Variants in LRRC32 observed in about 807,000 individuals in gnomAD.
LRRC32 encodes leucine rich repeat containing 32, also known as transforming growth factor beta activator LRRC32.
Under a neutral mutation model 15.0 loss-of-function variants are expected in LRRC32, and 5 were observed. That is an observed-to-expected ratio of 0.33 (90% CI 0.17 to 0.70). The LOEUF (loss-of-function observed/expected upper bound fraction) is 0.70, where lower values mean the gene tolerates loss of function less well. LRRC32 is among the 30% of genes least tolerant of loss of function. The pLI is 0.66. For synonymous variants in LRRC32, 391 were observed against 403.9 expected, an observed-to-expected ratio of 0.97 and a Z score of 0.38; for missense variants, 803 against 854.2, an observed-to-expected ratio of 0.94 and a Z score of 0.75.
rs1952442926 is a variant in LRRC32, at chr11:76,658,020, G to C, written c.*1584C>G. 1 of 152,274 alleles carries C rather than the reference G, an allele frequency of 6.6e-6. No homozygotes were observed. The highest frequency in any genetic ancestry group is 2.1e-4 in the South Asian group (1 of 4,816). The allele number at this position is 152,274 out of a possible 1,614,324, so 9.4% of individuals were successfully genotyped here. ...TGGTATGAGGGATGGGGGTCATCTG[G>C]GTGAGGCTTTTTACCTGTTTTTGTA... On this transcript the variant is annotated 3_prime_UTR_variant, in exon 3 of 3. Coordinates refer to ENST00000260061, the MANE Select transcript of LRRC32 (RefSeq NM_001128922.2).
intron 1 of LRRC32, among the ~76,000 whole-genome samples, chr11:76,669,384 T>TGAGA (rs1358518255): frequency 1.5e-5 from 2 of 135,140 alleles, no homozygotes; most frequent in South Asian, 2.3e-4. Flanking sequence ...TGTGTGTGTG[T>TGAGA]GTGAGAGAGA....
rs200521007 is a variant in LRRC32 at position 76,660,534 on chromosome 11, G to A, written c.1059C>T (p.Thr353=). 1.3e-5 allele frequency: 21 copies of A among 1,614,182 alleles called. No homozygotes were observed. The Admixed American group carries it at 1.8e-4, about 14-fold the overall frequency. ...FLNLSRNCLR[T]FEARRLGSLP... Reference sequence around the variant, plus strand: ...GGGAGCCTAAGCGCCGGGCCTCAAAGGTCCGCAAGCAGTTTCTGCTGAGGT... The same window carrying A: ...GGGAGCCTAAGCGCCGGGCCTCAAAAGTCCGCAAGCAGTTTCTGCTGAGGT... The change falls in exon 3 of 3, where the codon ACC becomes ACT. Residue 353 remains threonine (T), a synonymous_variant. Transcript: ENST00000260061.
rs1454100678 is a variant in LRRC32, at chr11:76,658,738, A to G, written c.*866T>C. On this transcript the variant is annotated 3_prime_UTR_variant, in exon 3 of 3. Transcript: ENST00000260061. ...CAAGCTGGGTGCAAAACAGAACCAG[A>G]TATCTAAGGTTTTAGCTCCTGGCTC... The G allele has an allele frequency of 6.5e-6, 1 of 152,830 alleles. No individual in the cohort carries two copies. Among genetic ancestry groups the G allele is most frequent in the Non-Finnish European group, 1.5e-5 (1 of 68,080 alleles). 9.5% of individuals were successfully genotyped at this position (152,830 alleles called of 1,614,324 possible).
chr11:76,667,036 C>T (rs1952637009), intron 1 of LRRC32, among the ~76,000 whole-genome samples: 1 of 152,232 alleles, frequency 6.6e-6, no homozygotes, highest in Non-Finnish European at 1.5e-5. Flanking sequence ...TTACAAGTCG[C>T]TTCACCTCTC....
chr11:76,660,043 T>A lies in LRRC32; in HGVS notation c.1550A>T (p.Lys517Met). Reference sequence around the variant, plus strand: ...GCGGTTCTCGGCAAGATTGAGCCGCTTGAGGCAGATGAAGCAGGGCAGGTC... The same window carrying A: ...GCGGTTCTCGGCAAGATTGAGCCGCATGAGGCAGATGAAGCAGGGCAGGTC... ...QVDLPCFICL[K>M]RLNLAENRLS... The change falls in exon 3 of 3, where the codon AAG (lysine) becomes ATG (methionine). Residue 517 changes from lysine (K) to methionine (M), a missense_variant. Transcript: ENST00000260061. The A allele has an allele frequency of 6.2e-7, 1 of 1,614,116 alleles. No individual in the cohort carries two copies. The highest frequency in any genetic ancestry group is 1.7e-5 in the Admixed American group (1 of 60,036).
chr11:76,669,497 C>G (rs1952679184), intron 1 of LRRC32, among the ~76,000 whole-genome samples: 1 of 151,980 alleles, frequency 6.6e-6, no homozygotes, highest in South Asian at 2.1e-4. Flanking sequence ...AAGCACTTGA[C>G]CTATATCATC....
In LRRC32 at chr11:76,660,428, G is replaced by A. The variant is rs573658243; in HGVS notation, c.1165C>T (p.Arg389Trp). 70 of 1,613,488 alleles carry A rather than the reference G, an allele frequency of 4.3e-5. No homozygotes were observed. The Middle Eastern group carries it at 1.2e-3, about 27-fold the overall frequency. ...GCATTGCCCTGTAGGAGCAGCGTCC[G>A]CAGAGACCCCAGGGCTCTGGCGCCC... Reference protein sequence around the residue: ...ELGARALGSLRTLLLQGNALR... With the variant: ...ELGARALGSLWTLLLQGNALR... Residue 389 changes from arginine to tryptophan, a missense_variant, in exon 3 of 3, where the codon CGG becomes TGG. By Grantham distance (101) the Arg-to-Trp change is moderately radical. Transcript: ENST00000260061.
At chr11:76,666,702 C>T (rs536609153) in intron 1 of LRRC32, among the ~76,000 whole-genome samples, 1 of 152,288 alleles carries the variant, frequency 6.6e-6, no homozygotes, top group South Asian at 2.1e-4. Context: ...CCGCACAGGC[C>T]CTTAGCAGGG....
rs116515808 is a variant in LRRC32 at position 76,664,400 on chromosome 11, C to T, written c.84+1471G>A. ...GAGCTCCCAGCATTGCCTGACTTAC[C>T]GTCGGAGGGAATTGGAGGAATTGGC... On this transcript the variant is annotated intron_variant, in intron 2 of 2. Coordinates refer to ENST00000260061, the MANE Select transcript of LRRC32 (RefSeq NM_001128922.2). Among the ~76,000 whole-genome samples, 339 of 152,322 alleles carry T rather than the reference C, an allele frequency of 2.2e-3. 2 individuals carry two copies. The highest frequency in any genetic ancestry group is 7.7e-3 in the African/African-American group (322 of 41,576).
chr11:76,667,786 G>C (rs1056967533), intron 1 of LRRC32, among the ~76,000 whole-genome samples: 1 of 152,204 alleles, frequency 6.6e-6, no homozygotes, highest in Non-Finnish European at 1.5e-5. Flanking sequence ...CTGCTTCCCC[G>C]GTGTCCCCTC....
intron 2 of LRRC32, among the ~76,000 whole-genome samples, chr11:76,664,818 T>C (rs904599320): frequency 2.0e-5 from 3 of 152,212 alleles, no homozygotes; most frequent in South Asian, 4.1e-4. Flanking sequence ...TTTGGTGACA[T>C]CTGAGGCCTT....
In LRRC32 at chr11:76,660,317, C is replaced by A. The variant is rs111673552; in HGVS notation, c.1276G>T (p.Gly426Trp). Reference protein sequence around the residue: ...NLQGNRVSPCGGPDEPGPSGC... With the variant: ...NLQGNRVSPCWGPDEPGPSGC... The stretch of plus-strand genomic sequence containing the variant: ...GAGGGGCCAGGCTCATCTGGCCCCC[C>A]ACAGGGGCTGACTCGGTTCCCCTGC... Residue 426 changes from glycine to tryptophan, a missense_variant, in exon 3 of 3, where the codon GGG (glycine) becomes TGG (tryptophan). By Grantham distance (184) the Gly-to-Trp change is radical. Coordinates refer to ENST00000260061, the MANE Select transcript of LRRC32 (RefSeq NM_001128922.2). 88 of 1,602,718 alleles carry A rather than the reference C, an allele frequency of 5.5e-5. 1 individual carries two copies. The South Asian group carries it at 6.7e-4, about 12-fold the overall frequency.
chr11:76,664,852 G>T (rs535784709), intron 2 of LRRC32, among the ~76,000 whole-genome samples: 1 of 152,208 alleles, frequency 6.6e-6, no homozygotes, highest in Non-Finnish European at 1.5e-5. Flanking sequence ...TCTGGGCTCC[G>T]GGAATCTTAG....
At position 76,659,504 on chromosome 11, in the gene LRRC32, A is replaced by G. The variant is rs918983104; in HGVS notation, c.*100T>C. ...TGTCCTGGGCTGTAATTTGGAGACC[A>G]GAGTTCTGGGATCCCGGATCACTGT... On this transcript the variant is annotated 3_prime_UTR_variant, in exon 3 of 3. Transcript: ENST00000260061. The G allele has an allele frequency of 1.1e-5, 14 of 1,305,548 alleles. No individual in the cohort carries two copies. The highest frequency in any genetic ancestry group is 2.7e-4 in the Middle Eastern group (1 of 3,710). 80.9% of individuals were successfully genotyped at this position (1,305,548 alleles called of 1,614,324 possible). A position where few individuals can be genotyped will look rare whatever the true frequency, so the allele number is the denominator to read the frequency against.
chr11:76,666,861 TG>T (rs1952634451), intron 1 of LRRC32, among the ~76,000 whole-genome samples: 1 of 152,186 alleles, frequency 6.6e-6, no homozygotes, highest in Non-Finnish European at 1.5e-5. Flanking sequence ...TGCTGGGAAC[TG>T]GGAACTCAAA....
chr11:76,659,935 C>T lies in LRRC32; in HGVS notation c.1658G>A (p.Gly553Asp), dbSNP rs1046377297. The T allele has an allele frequency of 2.5e-6, 4 of 1,613,786 alleles. No homozygotes were observed. In the African/African-American group the frequency reaches 5.3e-5, roughly 22 times the overall value. The part of the protein sequence containing the change: ...LRNNSFSLLP[G>D]SAMGGLETSL... ...GGTCTCCAGGCCACCCATGGCACTG[C>T]CTGGCAGGAGGCTGAAGCTGTTGTT... is the stretch of plus-strand genomic sequence containing the variant. Residue 553 changes from glycine to aspartate, a missense_variant, in exon 3 of 3, where the codon GGC becomes GAC. Transcript: ENST00000260061.
Position 76,661,155 on chromosome 11 carries a change from C to A in LRRC32, c.438G>T (p.Gly146=), listed in dbSNP as rs780413050. 3 of 1,613,696 alleles carry A rather than the reference C, an allele frequency of 1.9e-6. No individual in the cohort carries two copies. The highest frequency in any genetic ancestry group is 2.5e-6 in the Non-Finnish European group (3 of 1,179,832). ...LYSGLLERLL[G]EAPSLHTLSL... Reference sequence around the variant, plus strand: ...AGAGGGTATGCAGGCTGGGTGCCTCCCCCAGCAGCCGCTCCAGCAGGCCGC... The same window carrying A: ...AGAGGGTATGCAGGCTGGGTGCCTCACCCAGCAGCCGCTCCAGCAGGCCGC... Residue 146 remains glycine, a synonymous_variant, in exon 3 of 3, where the codon GGG becomes GGT. Coordinates refer to ENST00000260061, the MANE Select transcript of LRRC32 (RefSeq NM_001128922.2).
In LRRC32 at chr11:76,659,558, C is replaced by T; in HGVS notation, c.*46G>A. ...ACCTTGAGTCAGTCCTCACTCTTCT[C>T]TGTACCTCAGGCTCCCCCACTGACC... On this transcript the variant is annotated 3_prime_UTR_variant, in exon 3 of 3. Transcript: ENST00000260061. 1 of 1,581,306 alleles carries T rather than the reference C, an allele frequency of 6.3e-7. No homozygotes were observed. The highest frequency in any genetic ancestry group is 8.6e-7 in the Non-Finnish European group (1 of 1,161,594).
intron 1 of LRRC32, among the ~76,000 whole-genome samples, chr11:76,668,123 C>T (rs961615185): frequency 3.3e-5 from 5 of 151,930 alleles, no homozygotes; most frequent in East Asian, 1.9e-4. Flanking sequence ...AGGTCAGCAG[C>T]GGACAGAAAA....
Sources: allele counts gnomAD v4.1 joint callset (sites outside exome capture counted in the v4.1 genomes callset), GRCh38; gene constraint gnomAD v4.1.1; transcripts MANE v1.5; gene names NCBI Gene and HGNC (gene_info 2026-07-23, HGNC 2026-07-21).